Variants in PCDH11X observed in about 807,000 individuals in gnomAD.
The protein encoded by PCDH11X is protocadherin 11 X-linked.
In PCDH11X, 18 loss-of-function variants were observed where a neutral mutation model predicts 53.3. That is an observed-to-expected ratio of 0.34 (90% CI 0.23 to 0.50). The LOEUF (loss-of-function observed/expected upper bound fraction) is 0.50. Ranked by LOEUF, PCDH11X falls within the 20% of genes least tolerant of loss-of-function variation. The pLI is 0.98. For synonymous variants in PCDH11X, 279 were observed against 393.3 expected (o/e 0.71, Z 3.44); for missense variants, 570 against 1,032.4 (o/e 0.55, Z 6.14).
chrX:92,022,809 A>G (rs1032450506), intron 6 of PCDH11X, among the ~76,000 whole-genome samples: 18 of 111,588 alleles, frequency 1.6e-4, no homozygotes, highest in African/African-American at 5.5e-4. Flanking sequence ...AACTGAAATC[A>G]TAACAGTCTC....
chrX:92,002,651 G>A (rs1165621973), intron 6 of PCDH11X, among the ~76,000 whole-genome samples: 1 of 109,198 alleles, frequency 9.2e-6, no homozygotes, highest in African/African-American at 3.3e-5. Context: ...TTTTATGTGT[G>A]GCTATTGTAA....
chrX:91,806,469 T>C (rs1936111141), intron 1 of PCDH11X, among the ~76,000 whole-genome samples: 1 of 113,460 alleles, frequency 8.8e-6, no homozygotes, highest in South Asian at 3.5e-4. Context: ...AAAAGAAACT[T>C]TTCTCAAGAT....
chrX:92,217,304 A>T (rs1207812471), intron 7 of PCDH11X, among the ~76,000 whole-genome samples: 3 of 110,102 alleles, frequency 2.7e-5, no homozygotes, highest in Non-Finnish European at 5.7e-5. Flanking sequence ...TATTCAGGAA[A>T]CCCATCTCAT....
chrX:92,604,749 A>T (rs899843349), intron 10 of PCDH11X, among the ~76,000 whole-genome samples: 1 of 109,766 alleles, frequency 9.1e-6, no homozygotes, highest in African/African-American at 3.4e-5. Context: ...GAAAATCATT[A>T]TACTATGTAA....
chrX:92,117,132 A>G (rs1364349484), intron 6 of PCDH11X, among the ~76,000 whole-genome samples: 3 of 107,518 alleles, frequency 2.8e-5, no homozygotes, highest in Non-Finnish European at 5.7e-5. Flanking sequence ...GGGTAGGGAA[A>G]AAGCCCTCAA....
intron 6 of PCDH11X, among the ~76,000 whole-genome samples, chrX:92,145,241 T>C (rs781468807): frequency 7.8e-4 from 88 of 112,134 alleles, no homozygotes; most frequent in Non-Finnish European, 3.4e-4. Flanking sequence ...CCACCACAGA[T>C]TAAAAAGTGT....
chrX:92,133,659 C>T lies in PCDH11X; in HGVS notation c.3034-67716C>T, dbSNP rs187003421. Among the ~76,000 whole-genome samples the T allele has an allele frequency of 8.6e-3, 969 of 112,590 alleles. 10 individuals are homozygous for T. Among genetic ancestry groups the T allele is most frequent in the African/African-American group, 0.03 (918 of 31,037 alleles). ...GTGATTACAGGCGTGAGCCACCGCT[C>T]CCTGCCAAATGTTTTATTGTTTATG... On this transcript the variant is annotated intron_variant, in intron 6 of 10. Transcript: ENST00000682573.
At chrX:92,339,245 T>C (rs1039858745) in intron 8 of PCDH11X, among the ~76,000 whole-genome samples, 9 of 112,158 alleles carry the variant, frequency 8.0e-5, no homozygotes, top group Non-Finnish European at 1.5e-4. Flanking sequence ...GACCGCCATC[T>C]GTCACTGTAT....
intron 10 of PCDH11X, among the ~76,000 whole-genome samples, chrX:92,498,930 C>T (rs200621247): frequency 1.2e-5 from 1 of 80,886 alleles, no homozygotes; most frequent in Non-Finnish European, 2.4e-5. Flanking sequence ...ATTATAATAT[C>T]TATTATAACA....
chrX:92,576,003 TATATATATACAC>T (rs1475626212), intron 10 of PCDH11X, among the ~76,000 whole-genome samples: 4 of 35,217 alleles, frequency 1.1e-4, no homozygotes, highest in African/African-American at 6.7e-4. Flanking sequence ...TATATATATA[TATATATATACAC>T]ACACACACAC....
At chrX:92,255,891 G>C (rs1378763456) in intron 7 of PCDH11X, among the ~76,000 whole-genome samples, 1 of 112,511 alleles carries the variant, frequency 8.9e-6, no homozygotes, top group Non-Finnish European at 1.9e-5. Flanking sequence ...CTTTTTGTTT[G>C]TCTATGCCCT....
At position 92,411,880 on chromosome X, in the gene PCDH11X, AG is replaced by A. The variant is rs1442743403; in HGVS notation, c.3343+23948del. Among the ~76,000 whole-genome samples the A allele has an allele frequency of 5.2e-3, 370 of 71,691 alleles. 8 individuals carry two copies. The South Asian group carries it at 0.073, about 14-fold the overall frequency. The allele number at this position is 71,691 out of a possible 115,157, so 62.3% of individuals were successfully genotyped here. On this transcript the variant is annotated intron_variant, in intron 9 of 10. Transcript: ENST00000682573. ...AAGAAGAAAGAAAGAAAGAAGAAGA[AG>A]AAAAAGAAGAAGAAGAGGGAAGAGG... is the stretch of plus-strand genomic sequence containing the variant.
intron 6 of PCDH11X, among the ~76,000 whole-genome samples, chrX:92,185,192 G>A: frequency 9.0e-6 from 1 of 110,897 alleles, no homozygotes; most frequent in East Asian, 2.8e-4. Context: ...GCTGCAGTGA[G>A]CTATGATTGC....
chrX:91,783,376 A>G (rs1233987475), intron 1 of PCDH11X, among the ~76,000 whole-genome samples: 3 of 111,485 alleles, frequency 2.7e-5, no homozygotes, highest in Non-Finnish European at 5.6e-5. Context: ...ACCGGACTGG[A>G]TTCTGAAGGA....
At chrX:92,207,911 T>C (rs2066504482) in intron 7 of PCDH11X, among the ~76,000 whole-genome samples, 2 of 111,442 alleles carry the variant, frequency 1.8e-5, no homozygotes, top group Non-Finnish European at 3.8e-5. Context: ...AAAACTTATT[T>C]CTTGGCTGGG....
At chrX:91,964,779 C>T (rs920112622) in intron 6 of PCDH11X, among the ~76,000 whole-genome samples, 1 of 111,835 alleles carries the variant, frequency 8.9e-6, no homozygotes, top group Non-Finnish European at 1.9e-5. Context: ...GCCTCTCTGG[C>T]CTAGCAACAT....
At chrX:92,002,233 G>A (rs1000154450) in intron 6 of PCDH11X, among the ~76,000 whole-genome samples, 12 of 109,907 alleles carry the variant, frequency 1.1e-4, no homozygotes, top group African/African-American at 3.0e-4. Flanking sequence ...TTCTTTCTGC[G>A]TTCTCTATTC....
intron 6 of PCDH11X, among the ~76,000 whole-genome samples, chrX:91,981,191 A>G (rs1352396663): frequency 9.3e-6 from 1 of 108,015 alleles, no homozygotes; most frequent in African/African-American, 3.4e-5. Context: ...TAAATATTTA[A>G]TAGCTAACTC....
At chrX:92,219,290 A>T (rs2148350882) in intron 7 of PCDH11X, among the ~76,000 whole-genome samples, 1 of 110,999 alleles carries the variant, frequency 9.0e-6, no homozygotes, top group South Asian at 3.8e-4. Flanking sequence ...TTGTATATCT[A>T]GAAAACTCCA....
Sources: allele counts gnomAD v4.1 joint callset (sites outside exome capture counted in the v4.1 genomes callset), GRCh38; gene constraint gnomAD v4.1.1; transcripts MANE v1.5; gene names NCBI Gene and HGNC (gene_info 2026-07-23, HGNC 2026-07-21).